Variants in SLCO5A1 observed in about 807,000 individuals in gnomAD.
The protein encoded by SLCO5A1 is solute carrier organic anion transporter family member 5A1, also known as organic anion transporter polypeptide-related protein 4.
A neutral mutation model predicts 65.1 loss-of-function variants in SLCO5A1; 39 were observed. The observed-to-expected ratio is 0.60, with a 90% CI of 0.46 to 0.78. The LOEUF is 0.78. Ranked by LOEUF, SLCO5A1 falls within the 30% of genes least tolerant of loss-of-function variation. The pLI is 0.00. For missense variants in SLCO5A1, 1,029 were observed against 1,069.4 expected (o/e 0.96, Z 0.53); for synonymous variants, 438 against 415.7 (o/e 1.05, Z -0.65).
intron 8 of SLCO5A1, among the ~76,000 whole-genome samples, 185 bp from the exon 9 acceptor site, chr8:69,676,858 T>TC (rs780066433): frequency 6.6e-6 from 1 of 152,214 alleles, no homozygotes; most frequent in Non-Finnish European, 1.5e-5. Flanking sequence ...ATAAAGGTTT[T>TC]CCCAATGTAG....
At chr8:69,705,281 C>G (rs763272525) in intron 5 of SLCO5A1, 52 bp from the exon 6 acceptor site, 2 of 1,557,676 alleles carry the variant, frequency 1.3e-6, no homozygotes, top group Non-Finnish European at 1.8e-6. Flanking sequence ...CACTATTATT[C>G]ATCTTATCTA....
intron 4 of SLCO5A1, among the ~76,000 whole-genome samples, chr8:69,749,344 C>T (rs944884245): frequency 2.0e-5 from 3 of 152,148 alleles, no homozygotes; most frequent in African/African-American, 4.8e-5. Context: ...TTTCACCGGG[C>T]GCAGTGGCTC....
Position 69,834,086 on chromosome 8 carries a change from CCACACACACACACACACA to C in SLCO5A1, c.-497+750_-497+767del, listed in dbSNP as rs60625289. The C allele has an allele frequency of 4.3e-3, 627 of 144,442 alleles. 2 individuals are homozygous for C. The highest frequency in any genetic ancestry group is 0.014 in the Middle Eastern group (4 of 282). 8.9% of individuals were successfully genotyped at this position (144,442 alleles called of 1,614,324 possible). On this transcript the variant is annotated intron_variant, in intron 1 of 9. Transcript: ENST00000260126. ...CTGGGGAGCGTGTGCGCGTGCGCGG[CCACACACACACACACACA>C]CACACACACACACACACACACACAC...
intron 2 of SLCO5A1, among the ~76,000 whole-genome samples, chr8:69,824,724 C>T (rs565597820): frequency 6.6e-6 from 1 of 152,322 alleles, no homozygotes; most frequent in South Asian, 2.1e-4. Flanking sequence ...ACCATTCCTT[C>T]TGAAACTCTT....
intron 5 of SLCO5A1, among the ~76,000 whole-genome samples, chr8:69,716,205 A>G (rs891908098): frequency 6.6e-6 from 1 of 152,174 alleles, no homozygotes; most frequent in Non-Finnish European, 1.5e-5. Flanking sequence ...ATCACATTTT[A>G]TTAATAATAT....
intron 4 of SLCO5A1, among the ~76,000 whole-genome samples, chr8:69,740,812 T>C (rs1028664403): frequency 2.0e-5 from 3 of 152,168 alleles, no homozygotes; most frequent in African/African-American, 7.2e-5. Flanking sequence ...GGATTCTCAA[T>C]AGCCCAATCT....
intron 5 of SLCO5A1, among the ~76,000 whole-genome samples, chr8:69,726,652 AC>A (rs1816093447): frequency 6.6e-6 from 1 of 151,988 alleles, no homozygotes; most frequent in Admixed American, 6.5e-5. Context: ...GGCGTGTGCC[AC>A]CATGCCCAGC....
chr8:69,834,705 C>T (rs1379256084), intron 1 of SLCO5A1, 149 bp downstream of exon 1: 2 of 152,986 alleles, frequency 1.3e-5, no homozygotes, highest in Non-Finnish European at 2.9e-5. Context: ...AGGGACACCC[C>T]CTGCGCGCAC....
At chr8:69,791,969 C>T (rs771153965) in intron 2 of SLCO5A1, among the ~76,000 whole-genome samples, 2 of 152,110 alleles carry the variant, frequency 1.3e-5, no homozygotes, top group Non-Finnish European at 2.9e-5. Context: ...TCTGTCTTTG[C>T]TTTTAAATAA....
chr8:69,784,573 A>G (rs190787864), intron 2 of SLCO5A1, among the ~76,000 whole-genome samples: 8 of 152,154 alleles, frequency 5.3e-5, no homozygotes, highest in African/African-American at 1.9e-4. Context: ...GGATCACCTG[A>G]GGTCAGGAGT....
At chr8:69,703,053 G>A (rs1814815144) in intron 6 of SLCO5A1, among the ~76,000 whole-genome samples, 1 of 150,988 alleles carries the variant, frequency 6.6e-6, no homozygotes, top group Admixed American at 6.6e-5. Context: ...TGAGGCTGCA[G>A]TGAGCCATGA....
At chr8:69,815,275 A>C (rs901374357) in intron 2 of SLCO5A1, among the ~76,000 whole-genome samples, 1 of 152,202 alleles carries the variant, frequency 6.6e-6, no homozygotes, top group African/African-American at 2.4e-5. Flanking sequence ...TTATGCTGTT[A>C]TAAATTATCA....
intron 2 of SLCO5A1, among the ~76,000 whole-genome samples, 153 bp from the exon 3 acceptor site, chr8:69,762,028 A>G (rs780882948): frequency 2.0e-5 from 3 of 152,210 alleles, no homozygotes; most frequent in Non-Finnish European, 2.9e-5. Flanking sequence ...CCATGTCTAC[A>G]TCTTGGTTTT....
intron 2 of SLCO5A1, among the ~76,000 whole-genome samples, chr8:69,824,743 T>C (rs956487621): frequency 1.3e-5 from 2 of 152,012 alleles, no homozygotes; most frequent in African/African-American, 2.4e-5. Context: ...TTCCAATCAA[T>C]AGAAAAAGAG....
At chr8:69,798,859 G>A (rs770057908) in intron 2 of SLCO5A1, among the ~76,000 whole-genome samples, 5 of 152,206 alleles carry the variant, frequency 3.3e-5, no homozygotes, top group Non-Finnish European at 7.3e-5. Context: ...CTATACATTG[G>A]CCATGGATAA....
At chr8:69,780,348 C>T (rs185612770) in intron 2 of SLCO5A1, among the ~76,000 whole-genome samples, 48 of 152,274 alleles carry the variant, frequency 3.2e-4, no homozygotes, top group African/African-American at 1.2e-3. Context: ...GGGATATTTG[C>T]CTTCACACAC....
rs1821217846 is a variant in SLCO5A1 at position 69,832,568 on chromosome 8, T to G, written c.106A>C (p.Lys36Gln). The G allele has an allele frequency of 6.2e-7, 1 of 1,612,294 alleles. No homozygotes were observed. Among genetic ancestry groups the G allele is most frequent in the South Asian group, 1.1e-5 (1 of 90,892 alleles). ...ERCEPETLRS[K>Q]SLPVLSSASC... ...GCGCTGCTGAGGACCGGTAAACTCT[T>G]AGACCTGAGGGTCTCCGGCTCGCAC... The change falls in exon 2 of 10, where the codon AAG becomes CAG. Residue 36 changes from lysine to glutamine, a missense_variant. By Grantham distance (53) the Lys-to-Gln change is moderately conservative. Coordinates refer to ENST00000260126, the MANE Select transcript of SLCO5A1 (RefSeq NM_030958.3). This position sits in a 1 kb window ranked among gnomAD's most constrained non-coding sequence, Gnocchi z 4.5.
chr8:69,821,705 T>A (rs1315311397), intron 2 of SLCO5A1, among the ~76,000 whole-genome samples: 1 of 149,248 alleles, frequency 6.7e-6, no homozygotes, highest in Non-Finnish European at 1.5e-5. Flanking sequence ...TCAGGGAGGC[T>A]AAGGTGGGAG....
chr8:69,672,668 G>C lies in SLCO5A1; in HGVS notation c.*201C>G. 1 of 598,438 alleles carries C rather than the reference G, an allele frequency of 1.7e-6. No homozygotes were observed. The highest frequency in any genetic ancestry group is 2.9e-6 in the Non-Finnish European group (1 of 346,276). 37.1% of individuals were successfully genotyped at this position (598,438 alleles called of 1,614,324 possible). ...AATCTAGCTGAACGTCTCCTTCTTG[G>C]AGAGAAGCGGGGAAAGGCTCTCAGT... On this transcript the variant is annotated 3_prime_UTR_variant, in exon 10 of 10. Coordinates refer to ENST00000260126, the MANE Select transcript of SLCO5A1 (RefSeq NM_030958.3).
Sources: allele counts gnomAD v4.1 joint callset (sites outside exome capture counted in the v4.1 genomes callset), GRCh38; gene constraint gnomAD v4.1.1; non-coding constraint Gnocchi (gnomAD v3.1); transcripts MANE v1.5; gene names NCBI Gene and HGNC (gene_info 2026-07-23, HGNC 2026-07-21).